The following CAB39L variants were observed in gnomAD, a reference collection of about 807,000 sequenced individuals.
CAB39L encodes calcium-binding protein 39-like.
In CAB39L, 23 loss-of-function variants were observed where a neutral mutation model predicts 39.1. That is an observed-to-expected ratio of 0.59 (90% CI 0.42 to 0.83). The LOEUF (loss-of-function observed/expected upper bound fraction) is 0.83. CAB39L is among the 40% of genes least tolerant of loss of function. The pLI is 0.00. For synonymous variants in CAB39L, 126 were observed against 137.2 expected, an observed-to-expected ratio of 0.92 and a Z score of 0.57; for missense variants, 366 against 391.9, an observed-to-expected ratio of 0.93 and a Z score of 0.56.
At chr13:49,414,225 T>TA (rs1430101179) in intron 3 of CAB39L, 3 of 152,194 alleles carry the variant, frequency 2.0e-5, no homozygotes, top group Non-Finnish European at 4.4e-5. Context: ...CATAATGTTA[T>TA]AAAAAATGAA....
intron 6 of CAB39L, 81 bp downstream of exon 6, chr13:49,359,633 T>A: frequency 1.4e-6 from 1 of 711,696 alleles, no homozygotes; most frequent in Non-Finnish European, 2.4e-6. Context: ...GAACTCATCA[T>A]ATCTCAAATG....
chr13:49,416,647 C>T (rs1197441184), intron 3 of CAB39L, among the ~76,000 whole-genome samples: 1 of 152,188 alleles, frequency 6.6e-6, no homozygotes, highest in Non-Finnish European at 1.5e-5. Context: ...GCCTCTGCAA[C>T]TTACAAGGTG....
chr13:49,382,914 TAG>T lies in CAB39L; in HGVS notation c.-6_-5del, dbSNP rs1484820059. ...TAAACAAAGGCATTTTTTTCATGTG[TAG>T]AAATCTCTTCTTCCAATATGGAATG... On this transcript the variant is annotated 5_prime_UTR_variant, in exon 4 of 11. Coordinates refer to ENST00000409308, the MANE Select transcript of CAB39L (RefSeq NM_001079670.3). 1 of 1,533,978 alleles carries T rather than the reference TAG, an allele frequency of 6.5e-7. No homozygotes were observed. Among genetic ancestry groups the T allele is most frequent in the Admixed American group, 1.7e-5 (1 of 58,238 alleles).
chr13:49,344,167 AT>A lies in CAB39L; in HGVS notation c.624+11del. The A allele has an allele frequency of 6.6e-7, 1 of 1,509,584 alleles. No individual in the cohort carries two copies. Among genetic ancestry groups the A allele is most frequent in the South Asian group, 1.1e-5 (1 of 88,558 alleles). The allele number at this position is 1,509,584 out of a possible 1,614,324, so 93.5% of individuals were successfully genotyped here. ...GAAAGTGGGAAAGTCTTTAAAAATG[AT>A]TTCTACTTACAGTGTCGTAATTTTG... is the stretch of plus-strand genomic sequence containing the variant. On this transcript the variant is annotated intron_variant, in intron 8 of 10. Transcript: ENST00000409308.
At chr13:49,403,540 A>C (rs1956817407) in intron 3 of CAB39L, among the ~76,000 whole-genome samples, 1 of 152,144 alleles carries the variant, frequency 6.6e-6, no homozygotes, top group South Asian at 2.1e-4. Context: ...CAAATAATAG[A>C]ATTAGTATAC....
intron 6 of CAB39L, among the ~76,000 whole-genome samples, chr13:49,354,504 G>A (rs1007939825): frequency 6.6e-6 from 1 of 152,184 alleles, no homozygotes; most frequent in Non-Finnish European, 1.5e-5. Context: ...GTCTGTTAAA[G>A]AATCAATATG....
At chr13:49,331,184 G>A (rs1179630406) in intron 10 of CAB39L, among the ~76,000 whole-genome samples, 1 of 152,174 alleles carries the variant, frequency 6.6e-6, no homozygotes, top group African/African-American at 2.4e-5. Context: ...TCTATTGTAG[G>A]GCCAGGCACA....
chr13:49,384,212 A>G (rs1204951825), intron 3 of CAB39L, among the ~76,000 whole-genome samples: 1 of 152,206 alleles, frequency 6.6e-6, no homozygotes, highest in Non-Finnish European at 1.5e-5. Flanking sequence ...GCAGGAGTAG[A>G]TTCCATCTTA....
At chr13:49,368,076 C>T (rs1237638322) in intron 5 of CAB39L, among the ~76,000 whole-genome samples, 1 of 151,922 alleles carries the variant, frequency 6.6e-6, no homozygotes, top group Admixed American at 6.6e-5. Context: ...CTTTCTAGAC[C>T]CTGCAGTGTA....
At chr13:49,423,613 G>A (rs1957204591) in intron 3 of CAB39L, among the ~76,000 whole-genome samples, 1 of 152,068 alleles carries the variant, frequency 6.6e-6, no homozygotes, top group Non-Finnish European at 1.5e-5. Flanking sequence ...GAGAGAAAGG[G>A]AAGTCAGACC....
intron 3 of CAB39L, among the ~76,000 whole-genome samples, chr13:49,415,827 A>T (rs547703272): frequency 1.1e-4 from 16 of 152,346 alleles, no homozygotes; most frequent in African/African-American, 3.4e-4. Context: ...AATATTTGTT[A>T]ATAAATCTCC....
In CAB39L at chr13:49,337,484, C is replaced by T. The variant is rs578115714; in HGVS notation, c.690+2193G>A. ...CCCTGGCCACATGGCTGCTTCCAGGCACCATTCCACTGTGGGAGAGAGGGC... is the reference window on the plus strand; with the variant it reads ...CCCTGGCCACATGGCTGCTTCCAGGTACCATTCCACTGTGGGAGAGAGGGC... On this transcript the variant is annotated intron_variant, in intron 9 of 10. Transcript: ENST00000409308. Among the ~76,000 whole-genome samples the T allele has an allele frequency of 3.9e-5, 6 of 152,294 alleles. No individual in the cohort carries two copies. In the East Asian group the frequency reaches 5.8e-4, roughly 15 times the overall value.
At chr13:49,355,207 T>C (rs920114634) in intron 6 of CAB39L, among the ~76,000 whole-genome samples, 20 of 151,080 alleles carry the variant, frequency 1.3e-4, no homozygotes, top group Non-Finnish European at 1.8e-4. Context: ...GGGACCCTGT[T>C]TCTACAAAAA....
In CAB39L at chr13:49,376,513, AAT is replaced by A. The variant is rs150510035; in HGVS notation, c.276+452_276+453del. Among the ~76,000 whole-genome samples the A allele has an allele frequency of 4.7e-3, 709 of 152,350 alleles. 8 individuals carry two copies. The highest frequency in any genetic ancestry group is 0.016 in the African/African-American group (686 of 41,580). ...AACACATTTCTTAAATCATTGGTAT[AAT>A]ATGTTCATTAAAAGAACTGTCTGAA... is the stretch of plus-strand genomic sequence containing the variant. On this transcript the variant is annotated intron_variant, in intron 5 of 10. Coordinates refer to ENST00000409308, the MANE Select transcript of CAB39L (RefSeq NM_001079670.3).
intron 3 of CAB39L, among the ~76,000 whole-genome samples, chr13:49,422,245 A>G (rs558050914): frequency 1.3e-5 from 2 of 152,324 alleles, no homozygotes; most frequent in South Asian, 4.1e-4. Context: ...AGTATTTCCA[A>G]GGAATTTTAG....
intron 3 of CAB39L, chr13:49,413,641 G>C (rs1957034691): frequency 6.6e-6 from 1 of 152,306 alleles, no homozygotes; most frequent in African/African-American, 2.4e-5. Flanking sequence ...TGTTGTCAAA[G>C]GAAGAAGCCT....
rs1955700210 is a variant in CAB39L, at chr13:49,363,900, A to ATC, written c.277-4070_277-4069dup. ...ATGAAAAAAAAACAAGACCCAAATG[A>ATC]TCTGCTGCCTACAAGAAACACATCT... On this transcript the variant is annotated intron_variant, in intron 5 of 10. Transcript: ENST00000409308. Among the ~76,000 whole-genome samples, 71 of 151,912 alleles carry ATC rather than the reference A, an allele frequency of 4.7e-4. 2 individuals carry two copies. The highest frequency in any genetic ancestry group is 4.4e-5 in the Non-Finnish European group (3 of 67,958).
At chr13:49,408,873 A>G (rs1302923658) in intron 3 of CAB39L, among the ~76,000 whole-genome samples, 1 of 152,074 alleles carries the variant, frequency 6.6e-6, no homozygotes, top group African/African-American at 2.4e-5. Context: ...GTGGTTAGAG[A>G]GGGAGAGGAG....
intron 10 of CAB39L, among the ~76,000 whole-genome samples, chr13:49,322,609 C>T (rs1178366492): frequency 6.6e-6 from 1 of 152,172 alleles, no homozygotes; most frequent in Non-Finnish European, 1.5e-5. Flanking sequence ...AATGAGTATA[C>T]TAGTATTTCC....
Sources: gnomAD v4.1 joint callset for allele counts (sites outside exome capture counted in the v4.1 genomes callset) on GRCh38, gnomAD v4.1.1 for gene constraint, MANE v1.5 for transcripts, NCBI Gene and HGNC (gene_info 2026-07-23, HGNC 2026-07-21) for gene names.